HPSE2: variants seen among roughly 807,000 people sequenced by gnomAD.
The protein encoded by HPSE2 is heparanase 2 (inactive), also known as inactive heparanase-2.
HPSE2 carries 38 observed loss-of-function variants against 60.5 expected under a neutral mutation model. The ratio of observed to expected loss-of-function variants is 0.63; its 90% CI spans 0.48 to 0.82. HPSE2 has a LOEUF of 0.82. HPSE2 is among the 40% of genes least tolerant of loss of function. The pLI is 0.00. For synonymous variants in HPSE2, 295 were observed against 293.2 expected, an observed-to-expected ratio of 1.01 and a Z score of -0.06; for missense variants, 713 against 740.4, an observed-to-expected ratio of 0.96 and a Z score of 0.43.
intron 9 of HPSE2, among the ~76,000 whole-genome samples, chr10:98,538,985 C>T (rs1943375689): frequency 1.3e-5 from 2 of 152,278 alleles, no homozygotes; most frequent in African/African-American, 2.4e-5. Context: ...CATAGGTAGC[C>T]AGCAACGTAG....
At chr10:98,746,427 C>T (rs1949631443) in intron 3 of HPSE2, among the ~76,000 whole-genome samples, 1 of 151,840 alleles carries the variant, frequency 6.6e-6, no homozygotes, top group African/African-American at 2.4e-5. Context: ...TATTCAACAT[C>T]ATTAATACAT....
chr10:98,797,546 T>G (rs978484397), intron 3 of HPSE2, among the ~76,000 whole-genome samples: 3 of 151,886 alleles, frequency 2.0e-5, no homozygotes, highest in Admixed American at 1.3e-4. Flanking sequence ...AGGATGCAGA[T>G]AAAGAGATGA....
intron 6 of HPSE2, among the ~76,000 whole-genome samples, chr10:98,687,492 T>G (rs1015807779): frequency 1.3e-5 from 2 of 152,218 alleles, no homozygotes; most frequent in African/African-American, 4.8e-5. Flanking sequence ...ATAAGCTCCT[T>G]ACTTTAAAGT....
chr10:98,738,842 G>A (rs755607643), intron 4 of HPSE2, among the ~76,000 whole-genome samples: 38 of 152,138 alleles, frequency 2.5e-4, no homozygotes, highest in Admixed American at 2.0e-4. Context: ...GAGAAGATGT[G>A]GAGAAATAGG....
intron 9 of HPSE2, among the ~76,000 whole-genome samples, chr10:98,500,025 A>G (rs1218398900): frequency 6.6e-6 from 1 of 152,208 alleles, no homozygotes; most frequent in Non-Finnish European, 1.5e-5. Flanking sequence ...TTATAAAACA[A>G]TTACTAATAG....
intron 2 of HPSE2, among the ~76,000 whole-genome samples, chr10:99,186,341 G>A (rs1346666559): frequency 6.6e-6 from 1 of 151,804 alleles, no homozygotes; most frequent in African/African-American, 2.4e-5. Context: ...TCAGGAGTTC[G>A]AGACCAGCCT....
At chr10:98,838,964 A>C (rs1183080424) in intron 3 of HPSE2, among the ~76,000 whole-genome samples, 3 of 152,174 alleles carry the variant, frequency 2.0e-5, no homozygotes, top group African/African-American at 7.2e-5. Flanking sequence ...GATCTAGTAC[A>C]AATTTAAAAT....
intron 3 of HPSE2, among the ~76,000 whole-genome samples, chr10:99,017,239 ATGT>A (rs368532237): frequency 3.9e-5 from 6 of 152,180 alleles, no homozygotes; most frequent in African/African-American, 1.4e-4. Context: ...ACATGAATGG[ATGT>A]TGAATTGTAT....
intron 9 of HPSE2, among the ~76,000 whole-genome samples, chr10:98,504,642 T>C (rs1942136620): frequency 6.6e-6 from 1 of 152,056 alleles, no homozygotes. Context: ...AAAACAAAAT[T>C]AGCTGGGCGT....
intron 3 of HPSE2, among the ~76,000 whole-genome samples, chr10:99,128,712 A>C (rs931458969): frequency 6.6e-6 from 1 of 152,150 alleles, no homozygotes; most frequent in Non-Finnish European, 1.5e-5. Context: ...AAGCATTAGG[A>C]AAAATAGCTA....
At chr10:99,070,266 A>G (rs1056156940) in intron 3 of HPSE2, among the ~76,000 whole-genome samples, 1 of 152,214 alleles carries the variant, frequency 6.6e-6, no homozygotes, top group African/African-American at 2.4e-5. Flanking sequence ...TCAAAACTCA[A>G]TAATTAGTAA....
intron 3 of HPSE2, among the ~76,000 whole-genome samples, chr10:98,925,322 TCCA>T (rs992563721): frequency 2.0e-5 from 3 of 151,900 alleles, no homozygotes; most frequent in Admixed American, 6.6e-5. Context: ...ACCATCTTGC[TCCA>T]CCTCCCTAGA....
intron 7 of HPSE2, among the ~76,000 whole-genome samples, chr10:98,630,753 C>T (rs901182280): frequency 2.6e-5 from 4 of 151,940 alleles, no homozygotes; most frequent in East Asian, 1.9e-4. Flanking sequence ...AATTACTTTG[C>T]TTATAAAATA....
intron 3 of HPSE2, among the ~76,000 whole-genome samples, chr10:99,078,601 A>G (rs954398571): frequency 6.6e-6 from 1 of 152,166 alleles, no homozygotes; most frequent in African/African-American, 2.4e-5. Flanking sequence ...AAATTTTTAA[A>G]AAATATTTTT....
At chr10:99,100,931 C>T (rs915191657) in intron 3 of HPSE2, among the ~76,000 whole-genome samples, 2 of 152,142 alleles carry the variant, frequency 1.3e-5, no homozygotes, top group Non-Finnish European at 2.9e-5. Context: ...ACTTTACACA[C>T]AAGCAAAGGC....
intron 4 of HPSE2, 85 bp downstream of exon 4, chr10:98,743,798 G>A: frequency 8.1e-7 from 1 of 1,235,026 alleles, no homozygotes; most frequent in African/African-American, 1.5e-5. Flanking sequence ...GGGTACTAGA[G>A]ATGGTCTGAT....
At chr10:98,926,106 TC>T (rs1954453156) in intron 3 of HPSE2, among the ~76,000 whole-genome samples, 1 of 152,164 alleles carries the variant, frequency 6.6e-6, no homozygotes, top group Non-Finnish European at 1.5e-5. Flanking sequence ...GAATATACAT[TC>T]TTTATTATCT....
At chr10:98,998,965 G>A (rs895257908) in intron 3 of HPSE2, among the ~76,000 whole-genome samples, 2 of 152,168 alleles carry the variant, frequency 1.3e-5, no homozygotes, top group African/African-American at 2.4e-5. Context: ...TCCATATAAG[G>A]CTGGAATTAC....
intron 3 of HPSE2, among the ~76,000 whole-genome samples, chr10:98,788,474 C>G (rs945144253): frequency 7.2e-6 from 1 of 138,100 alleles, no homozygotes; most frequent in African/African-American, 2.7e-5. Flanking sequence ...GGGCTCCACC[C>G]AGTTCGAGCT....
Sources: gnomAD v4.1 joint callset for allele counts (sites outside exome capture counted in the v4.1 genomes callset) on GRCh38, gnomAD v4.1.1 for gene constraint, MANE v1.5 for transcripts, NCBI Gene and HGNC (gene_info 2026-07-23, HGNC 2026-07-21) for gene names.